GPATCH2: variants seen among roughly 807,000 people sequenced by gnomAD.
The protein encoded by GPATCH2 is G-patch domain containing 2, also known as G patch domain-containing protein 2.
In GPATCH2, 51 loss-of-function variants were observed where a neutral mutation model predicts 58.0. That is an observed-to-expected ratio of 0.88 (90% CI 0.70 to 1.11). The LOEUF is 1.11. Among genes scored for constraint, GPATCH2 ranks in the 50% most tolerant of loss-of-function variants. GPATCH2 has a pLI of 0.00. For synonymous variants in GPATCH2, 222 were observed against 218.5 expected (o/e 1.02, Z -0.14); for missense variants, 625 against 652.2 (o/e 0.96, Z 0.45).
intron 5 of GPATCH2, among the ~76,000 whole-genome samples, chr1:217,558,958 C>G (rs1272928471): frequency 4.6e-5 from 7 of 152,128 alleles, no homozygotes; most frequent in Non-Finnish European, 1.0e-4. Flanking sequence ...ATTCTCCCTG[C>G]AGCAAATATC....
At chr1:217,546,420 C>T (rs1305250427) in intron 5 of GPATCH2, among the ~76,000 whole-genome samples, 3 of 152,090 alleles carry the variant, frequency 2.0e-5, no homozygotes, top group African/African-American at 7.2e-5. Context: ...GACACATAGG[C>T]CAATGGAATA....
At chr1:217,595,093 C>T (rs1369130528) in intron 5 of GPATCH2, among the ~76,000 whole-genome samples, 1 of 152,038 alleles carries the variant, frequency 6.6e-6, no homozygotes, top group Non-Finnish European at 1.5e-5. Flanking sequence ...CAGTCAATTC[C>T]AAAAGTTGAG....
intron 5 of GPATCH2, among the ~76,000 whole-genome samples, chr1:217,567,667 G>A (rs780861917): frequency 1.3e-5 from 2 of 152,126 alleles, no homozygotes; most frequent in Non-Finnish European, 1.5e-5. Context: ...TCATAAACTG[G>A]TATAAGCCTT....
At chr1:217,562,099 A>T (rs113881974) in intron 5 of GPATCH2, among the ~76,000 whole-genome samples, 9 of 152,330 alleles carry the variant, frequency 5.9e-5, no homozygotes, top group African/African-American at 2.2e-4. Flanking sequence ...AGTCAAGATC[A>T]ACCTTAGCAA....
chr1:217,582,776 A>C (rs949664007), intron 5 of GPATCH2, among the ~76,000 whole-genome samples: 1 of 152,218 alleles, frequency 6.6e-6, no homozygotes, highest in Non-Finnish European at 1.5e-5. Flanking sequence ...AGAGAGCTTT[A>C]ATGATTTGAA....
chr1:217,573,427 T>C (rs1221741020), intron 5 of GPATCH2, among the ~76,000 whole-genome samples: 1 of 152,204 alleles, frequency 6.6e-6, no homozygotes. Flanking sequence ...TTCAACTCTT[T>C]AATTAAAGAG....
At chr1:217,466,079 C>T (rs1410177405) in intron 8 of GPATCH2, among the ~76,000 whole-genome samples, 1 of 152,118 alleles carries the variant, frequency 6.6e-6, no homozygotes, top group Non-Finnish European at 1.5e-5. Context: ...TTTAAATATA[C>T]AGTTCATGCA....
chr1:217,526,694 A>G (rs1355695316), intron 5 of GPATCH2, among the ~76,000 whole-genome samples: 2 of 152,220 alleles, frequency 1.3e-5, no homozygotes, highest in Non-Finnish European at 2.9e-5. Flanking sequence ...CTTTACCTTG[A>G]TAGAAGTAAA....
In GPATCH2 at chr1:217,514,124, G is replaced by C. The variant is rs1185296201; in HGVS notation, c.1166+698C>G. On this transcript the variant is annotated intron_variant, in intron 6 of 9. Coordinates refer to ENST00000366935, the MANE Select transcript of GPATCH2 (RefSeq NM_018040.5). ...TTACAACTGTGAGCCACCATGCCTGGCCCCCCCGCAAAAAAAGCAAAACAG... is the reference window on the plus strand; with the variant it reads ...TTACAACTGTGAGCCACCATGCCTGCCCCCCCCGCAAAAAAAGCAAAACAG... Among the ~76,000 whole-genome samples, 26 of 149,450 alleles carry C rather than the reference G, an allele frequency of 1.7e-4. 1 individual carries two copies. Among genetic ancestry groups the C allele is most frequent in the Admixed American group, 1.7e-3 (26 of 15,018 alleles).
intron 5 of GPATCH2, chr1:217,608,084 G>C (rs2102808892): frequency 6.2e-6 from 1 of 161,032 alleles, no homozygotes; most frequent in East Asian, 1.9e-4. Context: ...TTTAAAACTA[G>C]ATATTATAGT....
chr1:217,579,774 A>C (rs916060817), intron 5 of GPATCH2, among the ~76,000 whole-genome samples: 1 of 152,182 alleles, frequency 6.6e-6, no homozygotes, highest in Non-Finnish European at 1.5e-5. Context: ...GGCACCACCT[A>C]TCTGCTGCTG....
chr1:217,588,651 ACTTT>A (rs1329293369), intron 5 of GPATCH2, among the ~76,000 whole-genome samples: 6 of 152,192 alleles, frequency 3.9e-5, no homozygotes, highest in Admixed American at 3.3e-4. Context: ...ACTCAGTAAT[ACTTT>A]CTTTATGGTT....
chr1:217,629,900 C>A (rs1558540968), intron 1 of GPATCH2, among the ~76,000 whole-genome samples: 1 of 152,166 alleles, frequency 6.6e-6, no homozygotes, highest in Non-Finnish European at 1.5e-5. Context: ...TTTAACTTTT[C>A]AGTGATAGGT....
intron 5 of GPATCH2, among the ~76,000 whole-genome samples, chr1:217,596,536 A>G (rs1667838025): frequency 6.6e-6 from 1 of 152,176 alleles, no homozygotes; most frequent in Non-Finnish European, 1.5e-5. Context: ...GATTAGAATA[A>G]CACCTGGCAA....
chr1:217,588,182 G>C lies in GPATCH2; in HGVS notation c.1098+22139C>G, dbSNP rs144268745. On this transcript the variant is annotated intron_variant, in intron 5 of 9. Coordinates refer to ENST00000366935, the MANE Select transcript of GPATCH2 (RefSeq NM_018040.5). ...ATAATCCATCCTTCATATTCTTCCA[G>C]GGGACTGAAAAGACAGATCAATGAA... 4.3e-4 allele frequency among the ~76,000 whole-genome samples: 65 copies of C among 152,188 alleles called. 1 individual carries two copies. Among genetic ancestry groups the C allele is most frequent in the African/African-American group, 1.5e-3 (63 of 41,532 alleles).
intron 6 of GPATCH2, among the ~76,000 whole-genome samples, chr1:217,506,481 T>G (rs530730062): frequency 6.6e-6 from 1 of 152,298 alleles, no homozygotes; most frequent in South Asian, 2.1e-4. Context: ...TGACAGAGTA[T>G]TAAGAAGCCA....
intron 5 of GPATCH2, among the ~76,000 whole-genome samples, chr1:217,567,880 G>A (rs141378934): frequency 0.04 from 6,145 of 152,270 alleles, 269 homozygotes; most frequent in East Asian, 0.17. Context: ...AATTTGGGAG[G>A]CCAAGGTGGG....
chr1:217,549,522 T>C (rs146706388), intron 5 of GPATCH2, among the ~76,000 whole-genome samples: 5 of 149,136 alleles, frequency 3.4e-5, no homozygotes, highest in African/African-American at 1.2e-4. Flanking sequence ...CCTCTCCATC[T>C]TTGCCCTTAT....
intron 1 of GPATCH2, among the ~76,000 whole-genome samples, chr1:217,620,847 T>G (rs1669151924): frequency 6.6e-6 from 1 of 152,226 alleles, no homozygotes; most frequent in Non-Finnish European, 1.5e-5. Flanking sequence ...CCAGTTTTCC[T>G]ACAGCAGATA....
Sources: allele counts gnomAD v4.1 joint callset (sites outside exome capture counted in the v4.1 genomes callset), GRCh38; gene constraint gnomAD v4.1.1; transcripts MANE v1.5; gene names NCBI Gene and HGNC (gene_info 2026-07-23, HGNC 2026-07-21).